RSU1: variants seen among roughly 807,000 people sequenced by gnomAD.
RSU1 encodes the protein rsu-1.
Under a neutral mutation model 31.1 loss-of-function variants are expected in RSU1, and 26 were observed. That is an observed-to-expected ratio of 0.84 (90% CI 0.61 to 1.16). The LOEUF (loss-of-function observed/expected upper bound fraction) is 1.16. Among genes scored for constraint, RSU1 ranks in the 50% most tolerant of loss-of-function variants. The pLI is 0.00. For missense variants in RSU1, 320 were observed against 339.1 expected (o/e 0.94, Z 0.44); for synonymous variants, 164 against 136.3 (o/e 1.20, Z -1.41).
intron 2 of RSU1, among the ~76,000 whole-genome samples, chr10:16,792,477 C>T (rs11254193): frequency 0.035 from 5,298 of 152,258 alleles, 86 homozygotes; most frequent in Middle Eastern, 0.044. Context: ...GTGATCCACC[C>T]GCCTCAGCCT....
At chr10:16,620,528 G>A (rs1171690987) in intron 8 of RSU1, among the ~76,000 whole-genome samples, 1 of 150,848 alleles carries the variant, frequency 6.6e-6, no homozygotes, top group African/African-American at 2.5e-5. Context: ...TTTGCGGGAG[G>A]GGAGTTACTG....
At chr10:16,627,762 C>CAAAAAAAA (rs74962434) in intron 8 of RSU1, among the ~76,000 whole-genome samples, 1 of 67,550 alleles carries the variant, frequency 1.5e-5, no homozygotes, top group Admixed American at 1.5e-4. Flanking sequence ...CATCTCAATA[C>CAAAAAAAA]AAAAAAAAAA....
At chr10:16,613,267 G>T (rs1833923748) in intron 8 of RSU1, among the ~76,000 whole-genome samples, 1 of 152,218 alleles carries the variant, frequency 6.6e-6, no homozygotes, top group Admixed American at 6.5e-5. Flanking sequence ...TTAAGCATGA[G>T]AGTGGAATTT....
intron 8 of RSU1, among the ~76,000 whole-genome samples, chr10:16,694,216 G>C (rs1185022522): frequency 6.6e-6 from 1 of 152,144 alleles, no homozygotes; most frequent in African/African-American, 2.4e-5. Flanking sequence ...GAGGTATTTG[G>C]ATGCTGTGAC....
At chr10:16,604,103 C>T (rs1460850304) in intron 8 of RSU1, among the ~76,000 whole-genome samples, 1 of 152,052 alleles carries the variant, frequency 6.6e-6, no homozygotes, top group Non-Finnish European at 1.5e-5. Flanking sequence ...GATTTTATGC[C>T]CTGCCAACAC....
chr10:16,614,932 TA>T (rs1833950747), intron 8 of RSU1, among the ~76,000 whole-genome samples: 1 of 152,104 alleles, frequency 6.6e-6, no homozygotes, highest in Admixed American at 6.5e-5. Context: ...TGCAAAAATA[TA>T]ACAAAATATA....
At chr10:16,594,697 T>C (rs1216455317) in intron 8 of RSU1, among the ~76,000 whole-genome samples, 2 of 147,530 alleles carry the variant, frequency 1.4e-5, no homozygotes, top group Non-Finnish European at 3.0e-5. Context: ...ATATTATATG[T>C]ATCATAGATA....
chr10:16,646,610 G>A (rs1328305863), intron 8 of RSU1, among the ~76,000 whole-genome samples: 1 of 152,114 alleles, frequency 6.6e-6, no homozygotes, highest in Non-Finnish European at 1.5e-5. Context: ...CTCCTACCCT[G>A]TATGTCACCG....
intron 8 of RSU1, among the ~76,000 whole-genome samples, chr10:16,679,265 G>A (rs1191295270): frequency 5.9e-5 from 9 of 152,160 alleles, no homozygotes; most frequent in Non-Finnish European, 1.0e-4. Context: ...GCCCAGTCAA[G>A]AAGGAATCTT....
intron 8 of RSU1, among the ~76,000 whole-genome samples, chr10:16,610,764 A>T (rs1366806413): frequency 6.6e-6 from 1 of 152,068 alleles, no homozygotes; most frequent in Non-Finnish European, 1.5e-5. Context: ...ACATCCCAAA[A>T]CCATCTCCCC....
chr10:16,651,754 A>G (rs1287645811), intron 8 of RSU1, among the ~76,000 whole-genome samples: 1 of 152,232 alleles, frequency 6.6e-6, no homozygotes, highest in Non-Finnish European at 1.5e-5. Context: ...ACAAATCTCA[A>G]TAGTACTTTA....
At chr10:16,782,129 A>T (rs1393182251) in intron 2 of RSU1, 45 bp from the exon 3 acceptor site, 1 of 1,497,358 alleles carries the variant, frequency 6.7e-7, no homozygotes, top group Non-Finnish European at 9.2e-7. Flanking sequence ...TAAATGTATC[A>T]CTGTATCCGG....
At chr10:16,725,406 G>T (rs1170712684) in intron 7 of RSU1, among the ~76,000 whole-genome samples, 1 of 152,112 alleles carries the variant, frequency 6.6e-6, no homozygotes, top group East Asian at 1.9e-4. Context: ...TATTAAATGA[G>T]AAAGGAACAG....
chr10:16,656,182 C>A (rs775705736), intron 8 of RSU1, among the ~76,000 whole-genome samples: 17 of 152,090 alleles, frequency 1.1e-4, no homozygotes, highest in Non-Finnish European at 2.1e-4. Flanking sequence ...TACAATCCTA[C>A]CACTTAAGAA....
At chr10:16,767,171 CTTCATCTGATTAGTTTGAAGAGCACA>C (rs1435289497) in intron 3 of RSU1, 4 of 152,194 alleles carry the variant, frequency 2.6e-5, no homozygotes, top group Non-Finnish European at 4.4e-5. Flanking sequence ...ACCACTAAGC[CTTCATCTGATTAGTTTGAAGAGCACA>C]TTCATCTGAT....
At chr10:16,747,959 G>A (rs745463048) in intron 7 of RSU1, among the ~76,000 whole-genome samples, 1 of 152,198 alleles carries the variant, frequency 6.6e-6, no homozygotes, top group African/African-American at 2.4e-5. Flanking sequence ...GCTTGAGCCT[G>A]GGAGACAGAA....
intron 7 of RSU1, among the ~76,000 whole-genome samples, chr10:16,742,135 A>G (rs1389296264): frequency 6.6e-6 from 1 of 152,214 alleles, no homozygotes; most frequent in Non-Finnish European, 1.5e-5. Context: ...CACTCTACGT[A>G]TGTTGAAAAA....
chr10:16,770,189 G>A (rs1400340592), intron 3 of RSU1, among the ~76,000 whole-genome samples: 9 of 151,478 alleles, frequency 5.9e-5, no homozygotes, highest in Admixed American at 5.9e-4. Context: ...GGGCCCTTGA[G>A]GCAAAAAAAA....
chr10:16,749,847 G>T (rs969568173), intron 7 of RSU1, among the ~76,000 whole-genome samples: 2 of 152,182 alleles, frequency 1.3e-5, no homozygotes, highest in African/African-American at 4.8e-5. Context: ...GTGTGCTGGG[G>T]TTGTGTTTTG....
Sources: allele counts gnomAD v4.1 joint callset (sites outside exome capture counted in the v4.1 genomes callset), GRCh38; gene constraint gnomAD v4.1.1; transcripts MANE v1.5; gene names NCBI Gene and HGNC (gene_info 2026-07-23, HGNC 2026-07-21).